ZNF804B: variants seen among roughly 807,000 people sequenced by gnomAD.
The protein encoded by ZNF804B is zinc finger 804B.
In ZNF804B, 80 loss-of-function variants were observed where a neutral mutation model predicts 101.4. The ratio of observed to expected loss-of-function variants is 0.79; its 90% CI spans 0.66 to 0.95. The LOEUF is 0.95. ZNF804B is among the 40% of genes least tolerant of loss of function. ZNF804B has a pLI of 0.00. For missense variants in ZNF804B, 1,673 were observed against 1,561.9 expected, an observed-to-expected ratio of 1.07 and a Z score of -1.20; for synonymous variants, 622 against 558.8, an observed-to-expected ratio of 1.11 and a Z score of -1.59.
At chr7:89,047,202 C>T (rs759538295) in intron 1 of ZNF804B, among the ~76,000 whole-genome samples, 61 of 152,242 alleles carry the variant, frequency 4.0e-4, no homozygotes, top group Non-Finnish European at 5.4e-4. Context: ...TTGTAGTATT[C>T]TCTGCCTTGG....
chr7:89,163,416 G>C (rs368305579), intron 1 of ZNF804B, among the ~76,000 whole-genome samples: 2 of 151,934 alleles, frequency 1.3e-5, no homozygotes, highest in African/African-American at 4.8e-5. Flanking sequence ...TTTTGGTGGG[G>C]GTGAGAAGTA....
At chr7:89,093,790 T>C (rs996081249) in intron 1 of ZNF804B, among the ~76,000 whole-genome samples, 1 of 152,214 alleles carries the variant, frequency 6.6e-6, no homozygotes, top group Non-Finnish European at 1.5e-5. Context: ...TATAGAAAGG[T>C]CCAATTATCC....
In ZNF804B at chr7:89,239,315, A is replaced by T. The variant is rs1027098800; in HGVS notation, c.249+21020A>T. Among the ~76,000 whole-genome samples the T allele has an allele frequency of 2.0e-5, 3 of 152,154 alleles. No individual in the cohort carries two copies. In the East Asian group the frequency reaches 5.8e-4, roughly 29 times the overall value. On this transcript the variant is annotated intron_variant, in intron 2 of 3. Transcript: ENST00000333190. ...ATCAGGAAATGAGATGGCAACCACA[A>T]CATCATTTCTGAACTCTTCTCCCTC...
chr7:89,065,323 T>C (rs1204970264), intron 1 of ZNF804B, among the ~76,000 whole-genome samples: 1 of 152,172 alleles, frequency 6.6e-6, no homozygotes, highest in East Asian at 1.9e-4. Flanking sequence ...CTTAAACATA[T>C]GTCAAACAGG....
chr7:88,906,374 A>G (rs1447787779), intron 1 of ZNF804B, among the ~76,000 whole-genome samples: 1 of 152,116 alleles, frequency 6.6e-6, no homozygotes, highest in East Asian at 1.9e-4. Flanking sequence ...TAACTTCTTG[A>G]TGAAGGCAGT....
intron 1 of ZNF804B, among the ~76,000 whole-genome samples, chr7:88,925,446 G>T (rs1445396225): frequency 6.6e-6 from 1 of 152,082 alleles, no homozygotes; most frequent in Non-Finnish European, 1.5e-5. Flanking sequence ...AATTTAACCT[G>T]ATTAGTGTAC....
intron 2 of ZNF804B, among the ~76,000 whole-genome samples, chr7:89,300,540 A>C (rs1562940587): frequency 6.6e-6 from 1 of 151,904 alleles, no homozygotes; most frequent in Non-Finnish European, 1.5e-5. Context: ...CAGCCTTCTA[A>C]GGAGAAATAT....
chr7:89,107,203 A>C (rs1330475919), intron 1 of ZNF804B, among the ~76,000 whole-genome samples: 1 of 152,104 alleles, frequency 6.6e-6, no homozygotes, highest in East Asian at 1.9e-4. Flanking sequence ...ATAGTGGAGT[A>C]GTTTATTATT....
intron 1 of ZNF804B, among the ~76,000 whole-genome samples, chr7:89,215,222 C>CG (rs1404686367): frequency 1.3e-5 from 2 of 152,050 alleles, no homozygotes; most frequent in Non-Finnish European, 2.9e-5. Flanking sequence ...TTTAGTCTAA[C>CG]GACCTTGTAA....
At chr7:89,090,322 T>A (rs1316643756) in intron 1 of ZNF804B, among the ~76,000 whole-genome samples, 2 of 151,978 alleles carry the variant, frequency 1.3e-5, no homozygotes, top group Non-Finnish European at 2.9e-5. Flanking sequence ...TAAGTAAATA[T>A]GAAAATTTTT....
At chr7:88,798,356 T>G (rs1442843615) in intron 1 of ZNF804B, among the ~76,000 whole-genome samples, 1 of 152,108 alleles carries the variant, frequency 6.6e-6, no homozygotes, top group Non-Finnish European at 1.5e-5. Context: ...AACTAAGCTC[T>G]CCTTTCTTCA....
At chr7:89,275,921 A>T (rs1022082663) in intron 2 of ZNF804B, among the ~76,000 whole-genome samples, 8 of 151,772 alleles carry the variant, frequency 5.3e-5, no homozygotes, top group African/African-American at 1.9e-4. Context: ...AATCAACCCA[A>T]ACGCCCATCA....
intron 2 of ZNF804B, among the ~76,000 whole-genome samples, chr7:89,222,206 G>A (rs924192110): frequency 6.6e-6 from 1 of 151,928 alleles, no homozygotes; most frequent in Non-Finnish European, 1.5e-5. Context: ...GGCTGCTTAA[G>A]GCCATCATCA....
At chr7:89,320,708 T>C (rs1790805350) in intron 2 of ZNF804B, among the ~76,000 whole-genome samples, 2 of 152,036 alleles carry the variant, frequency 1.3e-5, no homozygotes, top group Admixed American at 1.3e-4. Flanking sequence ...ATGAAAAACA[T>C]GCCAAGGTAC....
intron 1 of ZNF804B, among the ~76,000 whole-genome samples, chr7:89,071,398 A>G (rs1051138770): frequency 1.3e-5 from 2 of 152,302 alleles, no homozygotes; most frequent in South Asian, 2.1e-4. Context: ...ATTTCACTCA[A>G]GAAGTATAGA....
chr7:89,227,165 C>G (rs1584068897), intron 2 of ZNF804B, among the ~76,000 whole-genome samples: 1 of 152,148 alleles, frequency 6.6e-6, no homozygotes, highest in African/African-American at 2.4e-5. Context: ...GGAACCTATC[C>G]TCTAGGGCTT....
chr7:88,994,547 A>T (rs192156711), intron 1 of ZNF804B, among the ~76,000 whole-genome samples: 36 of 152,212 alleles, frequency 2.4e-4, no homozygotes, highest in Non-Finnish European at 1.2e-4. Flanking sequence ...TGGCTACTTA[A>T]GTCACTAATT....
intron 1 of ZNF804B, among the ~76,000 whole-genome samples, chr7:89,005,298 C>T (rs1445875999): frequency 1.3e-5 from 2 of 151,936 alleles, no homozygotes; most frequent in Non-Finnish European, 2.9e-5. Flanking sequence ...GCCTTGGAGG[C>T]TTTTTAGGCT....
chr7:89,151,759 G>T (rs1389191001), intron 1 of ZNF804B, among the ~76,000 whole-genome samples: 1 of 151,816 alleles, frequency 6.6e-6, no homozygotes, highest in East Asian at 1.9e-4. Flanking sequence ...CAAATTTAAA[G>T]AACCTTTTGT....
Sources: allele counts gnomAD v4.1 joint callset (sites outside exome capture counted in the v4.1 genomes callset), GRCh38; gene constraint gnomAD v4.1.1; transcripts MANE v1.5; gene names NCBI Gene and HGNC (gene_info 2026-07-23, HGNC 2026-07-21).